The following VGLL4 variants were observed in gnomAD, a reference collection of about 807,000 sequenced individuals.
VGLL4 encodes vestigial like family member 4.
A neutral mutation model predicts 21.0 loss-of-function variants in VGLL4; 7 were observed. The ratio of observed to expected loss-of-function variants is 0.33; its 90% CI spans 0.19 to 0.63. The LOEUF (loss-of-function observed/expected upper bound fraction) is 0.63, where lower values mean the gene tolerates loss of function less well. Among genes scored for constraint, VGLL4 ranks in the 20% least tolerant of loss-of-function variants. The pLI is 0.78. For synonymous variants in VGLL4, 222 were observed against 173.2 expected (o/e 1.28, Z -2.21); for missense variants, 394 against 425.7 (o/e 0.93, Z 0.66).
intron 1 of VGLL4, among the ~76,000 whole-genome samples, chr3:11,606,116 C>T (rs2074935167): frequency 6.6e-6 from 1 of 152,206 alleles, no homozygotes. Context: ...GCATGTCTTA[C>T]ATGATGACAG....
intron 1 of VGLL4, among the ~76,000 whole-genome samples, chr3:11,621,140 C>G (rs2075259196): frequency 6.6e-6 from 1 of 152,214 alleles, no homozygotes; most frequent in Non-Finnish European, 1.5e-5. Context: ...ACAATATTCT[C>G]CACATTAAGT....
intron 2 of VGLL4, among the ~76,000 whole-genome samples, chr3:11,571,257 C>G (rs1400455033): frequency 6.6e-6 from 1 of 152,146 alleles, no homozygotes; most frequent in Non-Finnish European, 1.5e-5. Flanking sequence ...GCAACTACTG[C>G]CATAGCTTAA....
At chr3:11,627,373 T>A (rs529239056) in intron 1 of VGLL4, 2 of 151,612 alleles carry the variant, frequency 1.3e-5, no homozygotes, top group African/African-American at 4.8e-5. Context: ...AGGTCAGGAG[T>A]TCGAGACCAG....
At chr3:11,685,388 G>A (rs1004539997) in intron 2 of VGLL4, among the ~76,000 whole-genome samples, 5 of 151,988 alleles carry the variant, frequency 3.3e-5, no homozygotes, top group Admixed American at 3.3e-4. Flanking sequence ...TAGTGGAGAC[G>A]GGGTTTCATC....
At chr3:11,585,583 G>A (rs1421250790) in intron 2 of VGLL4, among the ~76,000 whole-genome samples, 1 of 152,180 alleles carries the variant, frequency 6.6e-6, no homozygotes, top group Non-Finnish European at 1.5e-5. Flanking sequence ...AAAAGGGACA[G>A]GGGAATGTTC....
intron 1 of VGLL4, among the ~76,000 whole-genome samples, chr3:11,704,383 CAAAA>C (rs57593843): frequency 7.2e-5 from 5 of 69,150 alleles, no homozygotes; most frequent in East Asian, 3.8e-4. Flanking sequence ...AACTCCGTCT[CAAAA>C]AAAAAAAAAA....
intron 2 of VGLL4, among the ~76,000 whole-genome samples, chr3:11,688,671 G>T (rs955258049): frequency 1.5e-4 from 23 of 149,672 alleles, no homozygotes; most frequent in African/African-American, 5.1e-4. Flanking sequence ...AACAGTTTTT[G>T]GTTGTCAGTT....
chr3:11,640,117 G>A (rs943482310), intron 1 of VGLL4, among the ~76,000 whole-genome samples: 4 of 152,194 alleles, frequency 2.6e-5, no homozygotes, highest in African/African-American at 9.7e-5. Flanking sequence ...ATACAAGGCA[G>A]TATATAATCA....
At chr3:11,573,251 GAAAGAAAGAAAGAAAGAAAGAA>G (rs2073856696) in intron 2 of VGLL4, among the ~76,000 whole-genome samples, 1 of 3,770 alleles carries the variant, frequency 2.7e-4, no homozygotes, top group East Asian at 6.1e-3. Context: ...AATAGAGAAA[GAAAGAAAGAAAGAAAGAAAGAA>G]AGAAAGAAAG....
intron 1 of VGLL4, among the ~76,000 whole-genome samples, chr3:11,706,886 G>A (rs1229193469): frequency 2.0e-5 from 3 of 152,224 alleles, no homozygotes; most frequent in Non-Finnish European, 4.4e-5. Flanking sequence ...AAATTCAGGT[G>A]AGCCTGATGC....
intron 1 of VGLL4, among the ~76,000 whole-genome samples, chr3:11,715,868 G>A (rs988842995): frequency 6.6e-5 from 10 of 152,104 alleles, no homozygotes; most frequent in Admixed American, 2.0e-4. Context: ...CAACAGCACC[G>A]TAACTCAAGC....
intron 2 of VGLL4, among the ~76,000 whole-genome samples, chr3:11,573,220 A>G (rs539081704): frequency 7.0e-6 from 1 of 143,844 alleles, no homozygotes; most frequent in Non-Finnish European, 1.5e-5. Context: ...GAGAGAGAGA[A>G]AGACAGACAG....
At chr3:11,570,671 G>A (rs994577246) in intron 2 of VGLL4, among the ~76,000 whole-genome samples, 1 of 152,194 alleles carries the variant, frequency 6.6e-6, no homozygotes, top group African/African-American at 2.4e-5. Context: ...GAAAATGACT[G>A]GTGGCAAAGA....
At chr3:11,709,953 T>C (rs557413806) in intron 1 of VGLL4, among the ~76,000 whole-genome samples, 1 of 152,322 alleles carries the variant, frequency 6.6e-6, no homozygotes, top group Non-Finnish European at 1.5e-5. Flanking sequence ...TGTATAAGCA[T>C]GGTGCCAGCA....
At chr3:11,656,422 A>G (rs1191332961) in intron 2 of VGLL4, among the ~76,000 whole-genome samples, 1 of 152,178 alleles carries the variant, frequency 6.6e-6, no homozygotes, top group Non-Finnish European at 1.5e-5. Context: ...AGGAGTTCCC[A>G]GGGGTGCTGG....
intron 2 of VGLL4, among the ~76,000 whole-genome samples, chr3:11,698,338 T>A (rs2076632574): frequency 6.6e-6 from 1 of 152,042 alleles, no homozygotes; most frequent in Admixed American, 6.6e-5. Flanking sequence ...GTGAAACCCC[T>A]CCTCTACTAA....
chr3:11,612,856 G>C (rs2125287595), intron 1 of VGLL4, among the ~76,000 whole-genome samples: 1 of 152,316 alleles, frequency 6.6e-6, no homozygotes, highest in Non-Finnish European at 1.5e-5. Context: ...CTCCTTAATG[G>C]AAAAGGCTCT....
At chr3:11,570,134 G>A (rs1022736709) in intron 2 of VGLL4, among the ~76,000 whole-genome samples, 1 of 152,102 alleles carries the variant, frequency 6.6e-6, no homozygotes, top group Non-Finnish European at 1.5e-5. Context: ...TTTTACAGAA[G>A]AGATGACCAA....
At chr3:11,571,312 T>C (rs1390497169) in intron 2 of VGLL4, among the ~76,000 whole-genome samples, 1 of 152,028 alleles carries the variant, frequency 6.6e-6, no homozygotes, top group Non-Finnish European at 1.5e-5. Flanking sequence ...GTCAAGGGAA[T>C]GAAACCCGAG....
Sources: gnomAD v4.1 joint callset for allele counts (sites outside exome capture counted in the v4.1 genomes callset) on GRCh38, gnomAD v4.1.1 for gene constraint, MANE v1.5 for transcripts, NCBI Gene and HGNC (gene_info 2026-07-23, HGNC 2026-07-21) for gene names.